Variants in PRKG1 observed in about 807,000 individuals in gnomAD.
PRKG1 encodes the protein protein kinase cGMP-dependent 1.
In PRKG1, 35 loss-of-function variants were observed where a neutral mutation model predicts 88.1. The ratio of observed to expected loss-of-function variants is 0.40; its 90% CI spans 0.30 to 0.53. The LOEUF is 0.53. Ranked by LOEUF, PRKG1 falls within the 20% of genes least tolerant of loss-of-function variation. The probability of loss-of-function intolerance (pLI) is 0.59; values close to 1 mark genes in which losing one functional copy is unlikely to be tolerated. For missense variants in PRKG1, 540 were observed against 839.8 expected, an observed-to-expected ratio of 0.64 and a Z score of 4.41; for synonymous variants, 303 against 292.5, an observed-to-expected ratio of 1.04 and a Z score of -0.37.
intron 2 of PRKG1, among the ~76,000 whole-genome samples, chr10:51,299,948 A>G (rs1403442639): frequency 3.9e-5 from 6 of 152,160 alleles, no homozygotes; most frequent in Non-Finnish European, 8.8e-5. Context: ...AGGTACTATC[A>G]TTCTGCTCAA....
intron 3 of PRKG1, among the ~76,000 whole-genome samples, chr10:51,607,411 T>A (rs4277060): frequency 0.12 from 18,039 of 152,234 alleles, 1,288 homozygotes; most frequent in South Asian, 0.17. Flanking sequence ...GGAAAACGTC[T>A]GCCCTTGTCC....
chr10:52,171,045 G>A (rs1409346835), intron 9 of PRKG1, among the ~76,000 whole-genome samples: 1 of 150,040 alleles, frequency 6.7e-6, no homozygotes, highest in African/African-American at 2.4e-5. Context: ...CAAACAGGAA[G>A]TTTCTAAATG....
intron 2 of PRKG1, among the ~76,000 whole-genome samples, chr10:51,205,466 T>C (rs1409024419): frequency 6.6e-6 from 1 of 151,608 alleles, no homozygotes; most frequent in African/African-American, 2.4e-5. Flanking sequence ...CTAGGCTTCA[T>C]AGCAATTTCC....
intron 1 of PRKG1, 56 bp from the exon 2 acceptor site, chr10:51,153,108 C>T: frequency 6.5e-7 from 1 of 1,526,728 alleles, no homozygotes; most frequent in Non-Finnish European, 8.9e-7. Flanking sequence ...CTAAACCTCA[C>T]AAACTATGAA....
At chr10:51,782,799 C>T (rs1838626122) in intron 3 of PRKG1, among the ~76,000 whole-genome samples, 1 of 152,138 alleles carries the variant, frequency 6.6e-6, no homozygotes. Context: ...TCCTCCTTGC[C>T]TTCTGCCATG....
chr10:52,080,654 A>G (rs1480027759), intron 7 of PRKG1, among the ~76,000 whole-genome samples: 2 of 152,128 alleles, frequency 1.3e-5, no homozygotes, highest in South Asian at 2.1e-4. Context: ...ATTACTATCT[A>G]TTTTTTAATC....
rs146697364 is a variant in PRKG1, at chr10:51,684,794, G to A, written c.593-119791G>A. Among the ~76,000 whole-genome samples, 982 of 152,212 alleles carry A rather than the reference G, an allele frequency of 6.5e-3. 12 individuals are homozygous for A. Among genetic ancestry groups the A allele is most frequent in the African/African-American group, 0.023 (957 of 41,538 alleles). On this transcript the variant is annotated intron_variant, in intron 3 of 17. Coordinates refer to ENST00000373980, the MANE Select transcript of PRKG1 (RefSeq NM_006258.4). ...AGGTGGGAGGATCGCTTGAGCCTGG[G>A]AGGCTTAGGATGCAGTGAGCCAAGA...
intron 2 of PRKG1, among the ~76,000 whole-genome samples, chr10:51,276,289 C>A (rs1412741987): frequency 6.6e-6 from 1 of 152,044 alleles, no homozygotes; most frequent in Non-Finnish European, 1.5e-5. Flanking sequence ...ACAAAGGACA[C>A]GAACTCATCC....
chr10:52,231,384 G>C (rs576296740), intron 9 of PRKG1: 51 of 152,142 alleles, frequency 3.4e-4, no homozygotes, highest in Middle Eastern at 3.4e-3. Flanking sequence ...TTGGGCAATA[G>C]AGCTGGATCT....
At chr10:51,327,357 C>T (rs1297395050) in intron 2 of PRKG1, among the ~76,000 whole-genome samples, 3 of 147,960 alleles carry the variant, frequency 2.0e-5, no homozygotes, top group Non-Finnish European at 4.4e-5. Context: ...GCAGAGGTCT[C>T]AGTGAGCCAG....
chr10:51,697,167 A>G (rs1260891385), intron 3 of PRKG1: 2 of 152,782 alleles, frequency 1.3e-5, no homozygotes, highest in African/African-American at 4.8e-5. Context: ...TGTTTCAAAA[A>G]TAATTCTAAA....
chr10:51,250,876 A>G (rs2132140714), intron 2 of PRKG1, among the ~76,000 whole-genome samples: 1 of 151,610 alleles, frequency 6.6e-6, no homozygotes, highest in Non-Finnish European at 1.5e-5. Context: ...CCAGCCCTAC[A>G]CCCTGTGTTG....
chr10:52,002,991 T>C (rs891524955), intron 5 of PRKG1, among the ~76,000 whole-genome samples: 14 of 152,240 alleles, frequency 9.2e-5, no homozygotes, highest in Non-Finnish European at 1.6e-4. Context: ...TATTTGTTTA[T>C]GAATCTTATT....
chr10:51,586,180 G>A lies in PRKG1; in HGVS notation c.592+118344G>A, dbSNP rs553393550. On this transcript the variant is annotated intron_variant, in intron 3 of 17. Transcript: ENST00000373980. ...GTAAAGAAAAAGACAGGTGATGTTGGCATTGTGGAAGCCTTGAAATCCAAG... is the reference window on the plus strand; with the variant it reads ...GTAAAGAAAAAGACAGGTGATGTTGACATTGTGGAAGCCTTGAAATCCAAG... Among the ~76,000 whole-genome samples the A allele has an allele frequency of 1.5e-4, 23 of 152,256 alleles. No individual in the cohort carries two copies. The South Asian group carries it at 4.6e-3, about 30-fold the overall frequency.
chr10:52,181,419 CTTTTTTTT>C (rs761799361), intron 9 of PRKG1, among the ~76,000 whole-genome samples: 7 of 55,068 alleles, frequency 1.3e-4, no homozygotes, highest in East Asian at 6.2e-4. Context: ...CACAGCTCTT[CTTTTTTTT>C]TTTTTTTTTT....
At chr10:51,148,632 A>G (rs2131967374) in intron 1 of PRKG1, among the ~76,000 whole-genome samples, 1 of 152,248 alleles carries the variant, frequency 6.6e-6, no homozygotes, top group South Asian at 2.1e-4. Context: ...ATAGTTCTTG[A>G]AATTGAGATG....
chr10:51,412,220 A>T (rs539104637), intron 2 of PRKG1, among the ~76,000 whole-genome samples: 1 of 50,760 alleles, frequency 2.0e-5, no homozygotes, highest in African/African-American at 9.2e-5. Flanking sequence ...AGAGAAAGAA[A>T]GAGAGAAAGA....
chr10:51,465,894 A>G (rs753428426), intron 2 of PRKG1, among the ~76,000 whole-genome samples: 2 of 152,226 alleles, frequency 1.3e-5, no homozygotes, highest in African/African-American at 2.4e-5. Context: ...AGCATTTGCT[A>G]TGTGCAGGGC....
chr10:51,271,201 G>C (rs1273925662), intron 2 of PRKG1, among the ~76,000 whole-genome samples: 1 of 151,808 alleles, frequency 6.6e-6, no homozygotes, highest in Admixed American at 6.6e-5. Flanking sequence ...CTAGATGGTT[G>C]GGGGGGAGTA....
Sources: gnomAD v4.1 joint callset for allele counts (sites outside exome capture counted in the v4.1 genomes callset) on GRCh38, gnomAD v4.1.1 for gene constraint, MANE v1.5 for transcripts, NCBI Gene and HGNC (gene_info 2026-07-23, HGNC 2026-07-21) for gene names.